IMPG1: variants seen among roughly 807,000 people sequenced by gnomAD.
IMPG1 encodes interphotoreceptor matrix proteoglycan of 150 kDa.
IMPG1 carries 85 observed loss-of-function variants against 92.0 expected under a neutral mutation model. The ratio of observed to expected loss-of-function variants is 0.92; its 90% confidence interval spans 0.78 to 1.11. IMPG1 has a LOEUF of 1.11. IMPG1 is among the 50% of genes least tolerant of loss of function. The pLI is 0.00. For missense variants in IMPG1, 1,022 were observed against 956.0 expected, an observed-to-expected ratio of 1.07 and a Z score of -0.91; for synonymous variants, 367 against 334.1, an observed-to-expected ratio of 1.10 and a Z score of -1.08.
Position 75,949,378 on chromosome 6 carries a change from G to A in IMPG1, c.1824+1184C>T, listed in dbSNP as rs534504567. The stretch of plus-strand genomic sequence containing the variant: ...TCGTCCTCACTACTACATTCCCATC[G>A]GCACCATGACAGTTTACAAATGCCA... On this transcript the variant is annotated intron_variant, in intron 13 of 16. Transcript: ENST00000369950. Among the ~76,000 whole-genome samples the A allele has an allele frequency of 4.6e-5, 7 of 152,224 alleles. No homozygotes were observed. The East Asian group carries it at 5.8e-4, about 13-fold the overall frequency.
At chr6:76,003,028 A>C (rs1226395203) in intron 11 of IMPG1, 32 bp from the exon 12 acceptor site, 1 of 1,516,978 alleles carries the variant, frequency 6.6e-7, no homozygotes, top group East Asian at 2.3e-5. Context: ...ACAGATGTTG[A>C]GAAAGGATGT....
chr6:76,002,848 G>T, intron 12 of IMPG1, 70 bp downstream of exon 12: 3 of 1,172,286 alleles, frequency 2.6e-6, no homozygotes, highest in Non-Finnish European at 3.8e-6. Context: ...GGTCTTTGAG[G>T]CAGTATCATA....
chr6:76,018,465 C>A (rs189666960), intron 7 of IMPG1, among the ~76,000 whole-genome samples: 4 of 152,180 alleles, frequency 2.6e-5, no homozygotes, highest in African/African-American at 9.6e-5. Context: ...ACAGGGTAAC[C>A]GAAACTGTGG....
chr6:76,001,160 A>G (rs1782981634), intron 12 of IMPG1, among the ~76,000 whole-genome samples: 1 of 152,254 alleles, frequency 6.6e-6, no homozygotes, highest in East Asian at 1.9e-4. Flanking sequence ...TGGAAACAGT[A>G]AGGCAATTTG....
At chr6:76,062,554 T>C (rs1053694195) in intron 1 of IMPG1, among the ~76,000 whole-genome samples, 3 of 152,150 alleles carry the variant, frequency 2.0e-5, no homozygotes, top group African/African-American at 7.2e-5. Context: ...ATTGGTAATT[T>C]TCATCTCCTA....
At chr6:75,968,725 A>C (rs1472032178) in intron 12 of IMPG1, among the ~76,000 whole-genome samples, 2 of 151,796 alleles carry the variant, frequency 1.3e-5, no homozygotes, top group East Asian at 3.9e-4. Context: ...AAACTTTGAC[A>C]CTCCCAAGTT....
chr6:75,923,430 T>C (rs1450362737), intron 16 of IMPG1, among the ~76,000 whole-genome samples: 3 of 152,136 alleles, frequency 2.0e-5, no homozygotes, highest in Admixed American at 6.6e-5. Flanking sequence ...TTTGTTATTC[T>C]GTTGTTTTAT....
At chr6:75,941,886 T>C (rs958687092) in intron 14 of IMPG1, among the ~76,000 whole-genome samples, 9 of 152,218 alleles carry the variant, frequency 5.9e-5, no homozygotes, top group African/African-American at 1.7e-4. Context: ...ATGACAATTA[T>C]GGTTTTTACA....
chr6:75,963,263 C>T (rs184949949), intron 12 of IMPG1, among the ~76,000 whole-genome samples: 13 of 151,976 alleles, frequency 8.6e-5, no homozygotes, highest in African/African-American at 2.4e-4. Context: ...ATGTATGAAA[C>T]GATGAGTCAA....
intron 12 of IMPG1, among the ~76,000 whole-genome samples, chr6:75,954,351 C>T (rs1782082248): frequency 6.6e-6 from 1 of 152,186 alleles, no homozygotes; most frequent in Non-Finnish European, 1.5e-5. Flanking sequence ...ATTTGCATTT[C>T]TCTAATGACC....
At chr6:75,959,326 C>T (rs550732724) in intron 12 of IMPG1, among the ~76,000 whole-genome samples, 1 of 152,256 alleles carries the variant, frequency 6.6e-6, no homozygotes, top group African/African-American at 2.4e-5. Flanking sequence ...AGGTGTCTCC[C>T]AGTCAGGAGA....
chr6:75,977,622 A>G (rs939033202), intron 12 of IMPG1, among the ~76,000 whole-genome samples: 8 of 151,864 alleles, frequency 5.3e-5, no homozygotes, highest in African/African-American at 1.9e-4. Context: ...CCCCCAAAAA[A>G]CAAGCATACA....
At chr6:76,053,846 T>A (rs1481049926) in intron 1 of IMPG1, among the ~76,000 whole-genome samples, 1 of 152,142 alleles carries the variant, frequency 6.6e-6, no homozygotes, top group Non-Finnish European at 1.5e-5. Context: ...ATGTTGGGAA[T>A]TCTCAGTAAA....
rs1157715048 is a variant in IMPG1 at position 76,018,825 on chromosome 6, G to A, written c.700C>T (p.Gln234Ter). Residue 234 changes from glutamine (Q) to a stop codon, truncating the protein, a stop_gained, in exon 7 of 17, where the codon CAG (glutamine) becomes TAG (stop). Transcript: ENST00000369950. LOFTEE classifies it high-confidence loss of function. ...AGAGAGACGCTGAGCTCCACCCTCTGCTCCTCCAACACAGCGAATTCTGTT... is the reference window on the plus strand; with the variant it reads ...AGAGAGACGCTGAGCTCCACCCTCTACTCCTCCAACACAGCGAATTCTGTT... ...RETEFAVLEE[Q>*]RVELSVSLVN... 6.8e-6 allele frequency: 11 copies of A among 1,609,330 alleles called. No individual in the cohort carries two copies. The highest frequency in any genetic ancestry group is 9.3e-6 in the Non-Finnish European group (11 of 1,178,178).
Position 75,947,527 on chromosome 6 carries a change from G to A in IMPG1, c.1831C>T (p.Pro611Ser), listed in dbSNP as rs1326209971. 1 of 1,611,458 alleles carries A rather than the reference G, an allele frequency of 6.2e-7. No homozygotes were observed. The highest frequency in any genetic ancestry group is 8.5e-7 in the Non-Finnish European group (1 of 1,178,150). ...LEQQFTQLLV[P>S]YLRSNLTGFK... is the part of the protein sequence containing the mutation. ...CCTGTAAGATTGGATCGTAGATATG[G>A]AACCAGCTGCAAAATAAAAGATGGT... The change falls in exon 14 of 17, where the codon CCA becomes TCA. Residue 611 changes from proline (P) to serine (S), a missense_variant. Coordinates refer to ENST00000369950, the MANE Select transcript of IMPG1 (RefSeq NM_001563.4).
chr6:75,950,340 G>C (rs1782001768), intron 13 of IMPG1, among the ~76,000 whole-genome samples: 1 of 152,198 alleles, frequency 6.6e-6, no homozygotes, highest in African/African-American at 2.4e-5. Flanking sequence ...TGTTCTTACA[G>C]ATTGGGTGGC....
At chr6:76,020,932 T>C (rs1783411981) in intron 6 of IMPG1, among the ~76,000 whole-genome samples, 1 of 152,230 alleles carries the variant, frequency 6.6e-6, no homozygotes, top group Non-Finnish European at 1.5e-5. Flanking sequence ...TATTTTGAAA[T>C]GGCCATGCAA....
chr6:75,934,914 T>G (rs1170245263), intron 14 of IMPG1: 4 of 469,876 alleles, frequency 8.5e-6, no homozygotes, highest in Non-Finnish European at 1.8e-5. Flanking sequence ...GCTGTCCCAT[T>G]TTACTCACGT....
At chr6:76,002,211 A>T (rs1471410005) in intron 12 of IMPG1, among the ~76,000 whole-genome samples, 1 of 152,114 alleles carries the variant, frequency 6.6e-6, no homozygotes, top group Non-Finnish European at 1.5e-5. Context: ...GGGTTCTTGG[A>T]GCCACTAAAT....
Sources: gnomAD v4.1 joint callset for allele counts (sites outside exome capture counted in the v4.1 genomes callset) on GRCh38, gnomAD v4.1.1 for gene constraint, MANE v1.5 for transcripts, NCBI Gene and HGNC (gene_info 2026-07-23, HGNC 2026-07-21) for gene names.